Variants in NDUFAF2 observed in about 807,000 individuals in gnomAD.
NDUFAF2 encodes NADH:ubiquinone oxidoreductase complex assembly factor 2, also known as NADH dehydrogenase [ubiquinone] 1 alpha subcomplex assembly factor 2.
In NDUFAF2, 13 loss-of-function variants were observed where a neutral mutation model predicts 22.8. That is an observed-to-expected ratio of 0.57 (90% CI 0.37 to 0.91). The LOEUF (loss-of-function observed/expected upper bound fraction) is 0.91, where lower values mean the gene tolerates loss of function less well. NDUFAF2 is among the 40% of genes least tolerant of loss of function. NDUFAF2 has a pLI of 0.01. For missense variants in NDUFAF2, 162 were observed against 195.2 expected, an observed-to-expected ratio of 0.83 and a Z score of 1.01; for synonymous variants, 53 against 64.2, an observed-to-expected ratio of 0.83 and a Z score of 0.84.
chr5:61,082,055 A>G (rs1041644808), intron 2 of NDUFAF2, among the ~76,000 whole-genome samples: 4 of 152,222 alleles, frequency 2.6e-5, no homozygotes, highest in African/African-American at 9.7e-5. Flanking sequence ...GTTAGTCCCC[A>G]AAGCAAAGAT....
intron 3 of NDUFAF2, among the ~76,000 whole-genome samples, chr5:61,134,789 C>A (rs989237652): frequency 1.3e-5 from 2 of 152,016 alleles, no homozygotes; most frequent in Non-Finnish European, 2.9e-5. Flanking sequence ...CAGAATCACA[C>A]AGGAAAAAAT....
chr5:61,003,314 A>G (rs1751322338), intron 1 of NDUFAF2, among the ~76,000 whole-genome samples: 1 of 152,128 alleles, frequency 6.6e-6, no homozygotes, highest in African/African-American at 2.4e-5. Flanking sequence ...TTTAACTCTT[A>G]TAATTCTAAG....
At position 61,016,071 on chromosome 5, in the gene NDUFAF2, A is replaced by G. The variant is rs1305212977; in HGVS notation, c.128-57054A>G. ...CGTGGTGGTGCACGCCTTCAATCCC[A>G]GCTACTCAGGAGGCTGAGGCAGGAG... On this transcript the variant is annotated intron_variant, in intron 1 of 3. Coordinates refer to ENST00000296597, the MANE Select transcript of NDUFAF2 (RefSeq NM_174889.5). Among the ~76,000 whole-genome samples the G allele has an allele frequency of 2.6e-5, 4 of 152,144 alleles. No homozygotes were observed. The East Asian group carries it at 5.8e-4, about 22-fold the overall frequency.
At chr5:61,040,251 G>GACACACACACACACACACAC (rs55910021) in intron 1 of NDUFAF2, among the ~76,000 whole-genome samples, 1 of 131,896 alleles carries the variant, frequency 7.6e-6, no homozygotes, top group African/African-American at 2.8e-5. Context: ...AAGAGGAAAG[G>GACACACACACACACACACAC]ACACACACAC....
chr5:61,026,955 G>A (rs751286637), intron 1 of NDUFAF2, among the ~76,000 whole-genome samples: 9 of 151,718 alleles, frequency 5.9e-5, no homozygotes, highest in Non-Finnish European at 1.2e-4. Flanking sequence ...TCTGTGGGCA[G>A]TGTGTACTTT....
At chr5:61,023,592 C>G (rs1398609240) in intron 1 of NDUFAF2, among the ~76,000 whole-genome samples, 1 of 152,018 alleles carries the variant, frequency 6.6e-6, no homozygotes, top group Non-Finnish European at 1.5e-5. Flanking sequence ...TTTCAAGGGT[C>G]CAGTCAGATT....
chr5:60,964,781 T>A (rs1750733365), intron 1 of NDUFAF2, among the ~76,000 whole-genome samples: 1 of 152,114 alleles, frequency 6.6e-6, no homozygotes, highest in Non-Finnish European at 1.5e-5. Flanking sequence ...TACCATGTTG[T>A]ACAATGGAAC....
chr5:61,097,934 G>C (rs1713085429), intron 2 of NDUFAF2, among the ~76,000 whole-genome samples: 1 of 152,104 alleles, frequency 6.6e-6, no homozygotes, highest in African/African-American at 2.4e-5. Context: ...ATTTTGTAGT[G>C]AAGAGTGAAT....
At chr5:61,145,932 T>G (rs1741131404) in intron 3 of NDUFAF2, 1 of 152,162 alleles carries the variant, frequency 6.6e-6, no homozygotes, top group Non-Finnish European at 1.5e-5. Context: ...GACTCTCAAT[T>G]GTCAACTCCA....
intron 2 of NDUFAF2, among the ~76,000 whole-genome samples, chr5:61,078,839 T>C (rs1752401696): frequency 6.6e-6 from 1 of 152,228 alleles, no homozygotes; most frequent in African/African-American, 2.4e-5. Flanking sequence ...TCAGTGAACC[T>C]TGTAAGTTTA....
intron 2 of NDUFAF2, among the ~76,000 whole-genome samples, chr5:61,095,820 A>C (rs901753440): frequency 6.6e-6 from 1 of 152,170 alleles, no homozygotes; most frequent in African/African-American, 2.4e-5. Flanking sequence ...ATGTCGCTCC[A>C]GGGTGGGCTG....
chr5:61,056,922 ATATATATATATATATAT>A (rs1752106382), intron 1 of NDUFAF2, among the ~76,000 whole-genome samples: 1 of 42,508 alleles, frequency 2.4e-5, no homozygotes, highest in Non-Finnish European at 3.9e-5. Flanking sequence ...AAAAAAAAAT[ATATATATATATATATAT>A]ATATATATAT....
intron 1 of NDUFAF2, among the ~76,000 whole-genome samples, chr5:61,036,598 G>C (rs1751803575): frequency 6.6e-6 from 1 of 152,160 alleles, no homozygotes; most frequent in African/African-American, 2.4e-5. Context: ...CTATGTAAAG[G>C]TGTGGGCTGG....
At chr5:60,982,775 AC>A (rs1751004453) in intron 1 of NDUFAF2, among the ~76,000 whole-genome samples, 1 of 152,056 alleles carries the variant, frequency 6.6e-6, no homozygotes, top group Non-Finnish European at 1.5e-5. Context: ...TATATGTGCC[AC>A]ATTTTCTTAA....
chr5:61,112,554 C>T (rs1365029790), intron 3 of NDUFAF2, among the ~76,000 whole-genome samples: 1 of 152,122 alleles, frequency 6.6e-6, no homozygotes, highest in Non-Finnish European at 1.5e-5. Flanking sequence ...TCTATTTTGT[C>T]TGATATAAGT....
intron 1 of NDUFAF2, among the ~76,000 whole-genome samples, chr5:60,945,722 G>T (rs921229271): frequency 2.0e-5 from 3 of 152,244 alleles, no homozygotes; most frequent in Non-Finnish European, 4.4e-5. Flanking sequence ...GCCCTGGACT[G>T]GCGACGGAGG....
chr5:61,019,208 G>A (rs1470295849), intron 1 of NDUFAF2, among the ~76,000 whole-genome samples: 2 of 152,042 alleles, frequency 1.3e-5, no homozygotes, highest in Admixed American at 6.6e-5. Context: ...TTGAAGGATT[G>A]TAATTTTTTT....
At chr5:61,065,779 T>C (rs1237337876) in intron 1 of NDUFAF2, among the ~76,000 whole-genome samples, 1 of 152,082 alleles carries the variant, frequency 6.6e-6, no homozygotes. Flanking sequence ...CACTGAGATC[T>C]GGTGCAAGGC....
intron 1 of NDUFAF2, among the ~76,000 whole-genome samples, chr5:60,990,640 A>T (rs1268259581): frequency 6.6e-6 from 1 of 152,116 alleles, no homozygotes; most frequent in Non-Finnish European, 1.5e-5. Context: ...TTGACTTTGT[A>T]CTTGTAGTTT....
Sources: allele counts gnomAD v4.1 joint callset (sites outside exome capture counted in the v4.1 genomes callset), GRCh38; gene constraint gnomAD v4.1.1; transcripts MANE v1.5; gene names NCBI Gene and HGNC (gene_info 2026-07-23, HGNC 2026-07-21).